Variants in AAMDC observed in about 807,000 individuals in gnomAD.
The protein encoded by AAMDC is adipogenesis associated Mth938 domain containing, also known as mth938 domain-containing protein.
In AAMDC, 16 loss-of-function variants were observed where a neutral mutation model predicts 15.5. The observed-to-expected ratio is 1.03, with a 90% CI of 0.70 to 1.57. The LOEUF (loss-of-function observed/expected upper bound fraction) is 1.57. Among genes scored for constraint, AAMDC ranks in the 40% most tolerant of loss-of-function variants. AAMDC has a pLI of 0.00. For synonymous variants in AAMDC, 51 were observed against 51.6 expected, an observed-to-expected ratio of 0.99 and a Z score of 0.05; for missense variants, 141 against 144.9, an observed-to-expected ratio of 0.97 and a Z score of 0.14.
intron 2 of AAMDC, among the ~76,000 whole-genome samples, chr11:77,856,688 A>G (rs375503152): frequency 6.6e-6 from 1 of 152,252 alleles, no homozygotes; most frequent in East Asian, 1.9e-4. Flanking sequence ...AGCAAGAGGA[A>G]GAGAGCAAGC....
intron 5 of AAMDC, chr11:77,883,998 T>C (rs767290518): frequency 3.8e-6 from 6 of 1,586,832 alleles, no homozygotes; most frequent in Non-Finnish European, 5.2e-6. Flanking sequence ...GAGAGGAGCA[T>C]TTAACAAAAT....
At chr11:77,865,493 TA>T (rs1951071537) in intron 2 of AAMDC, among the ~76,000 whole-genome samples, 1 of 152,236 alleles carries the variant, frequency 6.6e-6, no homozygotes, top group Non-Finnish European at 1.5e-5. Flanking sequence ...GCCAAACCTA[TA>T]TATGAAATCA....
chr11:77,858,402 C>CTGG lies in AAMDC; in HGVS notation c.133-11320_133-11319insTGG, dbSNP rs1160594472. Among the ~76,000 whole-genome samples the CTGG allele has an allele frequency of 2.3e-3, 332 of 146,242 alleles. 2 individuals are homozygous for CTGG. The highest frequency in any genetic ancestry group is 8.3e-3 in the African/African-American group (324 of 39,220). ...GGAGACCCAAAGAGGGTTGCCATTG[C>CTGG]CGGCTCGAATGCCTGCTGTGCTCTC... On this transcript the variant is annotated intron_variant, in intron 2 of 3. Coordinates refer to ENST00000393427, the MANE Select transcript of AAMDC (RefSeq NM_024684.4).
At chr11:77,869,040 T>C (rs987707366) in intron 2 of AAMDC, 3 of 342,818 alleles carry the variant, frequency 8.8e-6, no homozygotes, top group South Asian at 7.4e-5. Flanking sequence ...TGTGGGACAT[T>C]CCTTTTTGAA....
chr11:77,902,391 C>T (rs1014343415), downstream of AAMDC, among the ~76,000 whole-genome samples: 1 of 152,114 alleles, frequency 6.6e-6, no homozygotes, highest in Non-Finnish European at 1.5e-5. Flanking sequence ...GCTCAATTAT[C>T]GGGTTCTAGT....
chr11:77,827,795 A>C (rs1202828839), intron 1 of AAMDC, among the ~76,000 whole-genome samples: 1 of 152,234 alleles, frequency 6.6e-6, no homozygotes, highest in Non-Finnish European at 1.5e-5. Context: ...AAAAAATAAA[A>C]GGCATCCAGA....
At chr11:77,864,133 G>GC (rs961483342) in intron 2 of AAMDC, among the ~76,000 whole-genome samples, 7 of 151,500 alleles carry the variant, frequency 4.6e-5, no homozygotes, top group African/African-American at 1.7e-4. Flanking sequence ...CACCATGTTT[G>GC]CCAGGCTGGT....
downstream of AAMDC, chr11:77,900,868 T>C: frequency 2.0e-6 from 1 of 503,166 alleles, no homozygotes; most frequent in Admixed American, 3.6e-5. Flanking sequence ...TGTTTTTACA[T>C]GTATTATCTC....
intron 5 of AAMDC, among the ~76,000 whole-genome samples, chr11:77,879,659 T>C (rs1951717473): frequency 6.6e-6 from 1 of 152,236 alleles, no homozygotes; most frequent in African/African-American, 2.4e-5. Flanking sequence ...AAACATCTCA[T>C]TCTTTCATTA....
intron 3 of AAMDC, among the ~76,000 whole-genome samples, chr11:77,871,629 C>T (rs1951435530): frequency 6.6e-6 from 1 of 152,108 alleles, no homozygotes; most frequent in South Asian, 2.1e-4. Context: ...TACTATTATA[C>T]CTATTTTACA....
intron 2 of AAMDC, among the ~76,000 whole-genome samples, chr11:77,867,474 A>G (rs1225635823): frequency 6.6e-6 from 1 of 152,184 alleles, no homozygotes; most frequent in African/African-American, 2.4e-5. Flanking sequence ...ACCTTACCTG[A>G]ATGAAACTCC....
chr11:77,876,954 C>T (rs1951612836), downstream of AAMDC: 2 of 703,138 alleles, frequency 2.8e-6, no homozygotes, highest in Non-Finnish European at 5.2e-6. Flanking sequence ...GTCTAGGCTC[C>T]AACCCAGCAG....
At chr11:77,869,145 C>T in intron 2 of AAMDC, 1 of 251,572 alleles carries the variant, frequency 4.0e-6, no homozygotes, top group Non-Finnish European at 7.8e-6. Flanking sequence ...TTCTAAAAGG[C>T]CTAGAGGACA....
intron 2 of AAMDC, among the ~76,000 whole-genome samples, chr11:77,844,912 C>T (rs1320749548): frequency 6.6e-6 from 1 of 152,126 alleles, no homozygotes; most frequent in Non-Finnish European, 1.5e-5. Context: ...CTTTTTCTTT[C>T]AGCACTTTCA....
chr11:77,851,716 C>G (rs962336614), intron 2 of AAMDC, among the ~76,000 whole-genome samples: 5 of 152,030 alleles, frequency 3.3e-5, no homozygotes, highest in Admixed American at 2.6e-4. Flanking sequence ...TATGACATGC[C>G]TACTCCCACT....
downstream of AAMDC, chr11:77,876,937 T>A (rs556607156): frequency 1.4e-6 from 1 of 703,082 alleles, no homozygotes; most frequent in Non-Finnish European, 2.6e-6. Flanking sequence ...TGGTTCTTCA[T>A]GTTTTTGTCT....
At chr11:77,867,277 C>T (rs1352800845) in intron 2 of AAMDC, among the ~76,000 whole-genome samples, 3 of 151,594 alleles carry the variant, frequency 2.0e-5, no homozygotes, top group African/African-American at 7.3e-5. Flanking sequence ...TATACCATCT[C>T]TACCATTAGA....
At chr11:77,858,325 TTTG>T in intron 2 of AAMDC, among the ~76,000 whole-genome samples, 1 of 146,120 alleles carries the variant, frequency 6.8e-6, no homozygotes, top group African/African-American at 2.5e-5. Context: ...TTTTTTTTTT[TTTG>T]TAGTTGCAAG....
chr11:77,828,574 G>C (rs905207467), intron 1 of AAMDC, among the ~76,000 whole-genome samples: 1 of 151,616 alleles, frequency 6.6e-6, no homozygotes, highest in Non-Finnish European at 1.5e-5. Context: ...GGGAGGCTGC[G>C]GCGGAAGAAT....
Sources: gnomAD v4.1 joint callset for allele counts (sites outside exome capture counted in the v4.1 genomes callset) on GRCh38, gnomAD v4.1.1 for gene constraint, MANE v1.5 for transcripts, NCBI Gene and HGNC (gene_info 2026-07-23, HGNC 2026-07-21) for gene names.